PCDHA5: variants seen among roughly 807,000 people sequenced by gnomAD.
The protein encoded by PCDHA5 is protocadherin alpha 5, also known as protocadherin alpha-5.
PCDHA5 carries 43 observed loss-of-function variants against 61.6 expected under a neutral mutation model. That is an observed-to-expected ratio of 0.70 (90% confidence interval 0.55 to 0.90). The LOEUF (loss-of-function observed/expected upper bound fraction) is 0.90. PCDHA5 is among the 40% of genes least tolerant of loss of function. PCDHA5 has a pLI of 0.00. For synonymous variants in PCDHA5, 627 were observed against 543.9 expected (o/e 1.15, Z -2.13); for missense variants, 1,298 against 1,222.7 (o/e 1.06, Z -0.92).
At chr5:140,937,228 G>A (rs920892612) in intron 1 of PCDHA5, among the ~76,000 whole-genome samples, 1 of 151,718 alleles carries the variant, frequency 6.6e-6, no homozygotes, top group Admixed American at 6.6e-5. Context: ...TTGTAGAGAC[G>A]GGGTTTCACC....
rs141944056 is a variant in PCDHA5, at chr5:140,857,401, G to A, written c.2352+33274G>A. ...AGGTGGCCGACGTGAACGACAACGCGCCTGCGTTCGCGCAGTCCGAGTACA... is the reference window on the plus strand; with the variant it reads ...AGGTGGCCGACGTGAACGACAACGCACCTGCGTTCGCGCAGTCCGAGTACA... On this transcript the variant is annotated intron_variant, in intron 1 of 3. Transcript: ENST00000529859. The A allele has an allele frequency of 3.2e-3, 5,155 of 1,598,156 alleles. 411 individuals are homozygous for A. The African/African-American group carries it at 0.057, about 18-fold the overall frequency.
chr5:141,001,468 G>A (rs1375908420), intron 3 of PCDHA5, among the ~76,000 whole-genome samples: 1 of 152,226 alleles, frequency 6.6e-6, no homozygotes, highest in African/African-American at 2.4e-5. Context: ...GGACTAAGCA[G>A]CAGCGGGGAA....
intron 1 of PCDHA5, among the ~76,000 whole-genome samples, chr5:140,944,214 G>T (rs72801002): frequency 0.015 from 2,290 of 152,232 alleles, 30 homozygotes; most frequent in Non-Finnish European, 0.021. Context: ...TTTAAAGAGG[G>T]TTTTACTCTG....
intron 3 of PCDHA5, among the ~76,000 whole-genome samples, chr5:141,005,570 C>T (rs2098221993): frequency 6.6e-6 from 1 of 151,052 alleles, no homozygotes; most frequent in African/African-American, 2.4e-5. Context: ...GGCATGGTGG[C>T]GCGTGCCTGT....
intron 1 of PCDHA5, among the ~76,000 whole-genome samples, chr5:140,973,301 A>C (rs1469183006): frequency 1.3e-5 from 2 of 152,034 alleles, no homozygotes; most frequent in Admixed American, 6.6e-5. Context: ...CTATCTGATG[A>C]CTCTATCCTG....
chr5:140,835,538 T>A, intron 1 of PCDHA5: 1 of 1,613,946 alleles, frequency 6.2e-7, no homozygotes, highest in African/African-American at 1.3e-5. Context: ...ACGGACAGGT[T>A]ACCTGCTCCC....
intron 1 of PCDHA5, chr5:140,882,011 ATAC>A (rs1437092618): frequency 3.8e-6 from 2 of 531,314 alleles, no homozygotes; most frequent in Admixed American, 3.8e-5. Flanking sequence ...GGGCAAAAAA[ATAC>A]TACATCAATG....
At chr5:140,826,718 G>A (rs2150145138) in intron 1 of PCDHA5, among the ~76,000 whole-genome samples, 1 of 152,166 alleles carries the variant, frequency 6.6e-6, no homozygotes, top group Non-Finnish European at 1.5e-5. Context: ...TGAGAAAGAG[G>A]AAGAGCAAGT....
At chr5:140,928,594 GAA>G in intron 1 of PCDHA5, 2 of 1,614,204 alleles carry the variant, frequency 1.2e-6, no homozygotes, top group Non-Finnish European at 1.7e-6. Flanking sequence ...TGTCCCAGTG[GAA>G]ATTGTGCCCC....
intron 1 of PCDHA5, among the ~76,000 whole-genome samples, chr5:140,838,065 TTA>T (rs144773480): frequency 0.038 from 4,279 of 113,132 alleles, 207 homozygotes; most frequent in Non-Finnish European, 0.046. Context: ...CCACTTTAAG[TTA>T]TATATATATA....
At chr5:140,839,248 A>G (rs1776116247) in intron 1 of PCDHA5, among the ~76,000 whole-genome samples, 1 of 151,994 alleles carries the variant, frequency 6.6e-6, no homozygotes, top group Non-Finnish European at 1.5e-5. Flanking sequence ...CTTTGCTTTT[A>G]TGCTTACATG....
rs2150314975 is a variant in PCDHA5, at chr5:140,841,416, A to G, written c.2352+17289A>G. 6 of 1,613,024 alleles carry G rather than the reference A, an allele frequency of 3.7e-6. No homozygotes were observed. The South Asian group carries it at 6.6e-5, about 18-fold the overall frequency. On this transcript the variant is annotated intron_variant, in intron 1 of 3. Coordinates refer to ENST00000529859, the MANE Select transcript of PCDHA5 (RefSeq NM_018908.3). Reference sequence around the variant, plus strand: ...TGGAAGGTGGGGAGCGGCCAGCTCCACTACTCCGTCCCCGAGGAGGCCAAA... The same window carrying G: ...TGGAAGGTGGGGAGCGGCCAGCTCCGCTACTCCGTCCCCGAGGAGGCCAAA...
intron 1 of PCDHA5, among the ~76,000 whole-genome samples, chr5:140,838,064 G>T (rs1775403282): frequency 1.1e-5 from 1 of 88,812 alleles, no homozygotes; most frequent in African/African-American, 5.5e-5. Flanking sequence ...TCCACTTTAA[G>T]TTATATATAT....
At chr5:140,917,305 C>A (rs1554197951) in intron 1 of PCDHA5, among the ~76,000 whole-genome samples, 1 of 137,092 alleles carries the variant, frequency 7.3e-6, no homozygotes, top group Non-Finnish European at 1.5e-5. Flanking sequence ...ATAGTTGTTA[C>A]AATTTGGTGT....
chr5:140,830,077 G>C, intron 1 of PCDHA5: 5 of 1,613,664 alleles, frequency 3.1e-6, no homozygotes, highest in Non-Finnish European at 4.2e-6. Context: ...TGACAGCGAC[G>C]GCCACGGTTC....
intron 1 of PCDHA5, chr5:140,875,350 T>G (rs1465566736): frequency 6.9e-7 from 1 of 1,444,966 alleles, no homozygotes; most frequent in African/African-American, 1.4e-5. Flanking sequence ...CCATAATGAC[T>G]GTGATGCTGG....
intron 1 of PCDHA5, chr5:140,835,296 A>G (rs2150233406): frequency 1.2e-6 from 2 of 1,612,776 alleles, no homozygotes; most frequent in Non-Finnish European, 8.5e-7. Flanking sequence ...AATCACAGTG[A>G]TAGGACATAT....
rs534304787 is a variant in PCDHA5, at chr5:140,885,393, TA to T, written c.2352+61268del. Among the ~76,000 whole-genome samples the T allele has an allele frequency of 3.1e-3, 468 of 152,312 alleles. 3 individuals carry two copies. Among genetic ancestry groups the T allele is most frequent in the Middle Eastern group, 0.014 (4 of 294 alleles). The stretch of plus-strand genomic sequence containing the variant: ...TACCTTTTGGCAGTCCCTGCAAATC[TA>T]ATGGTTTTAATAGCTGTGTAGTATT... On this transcript the variant is annotated intron_variant, in intron 1 of 3. Transcript: ENST00000529859.
intron 3 of PCDHA5, among the ~76,000 whole-genome samples, chr5:141,001,642 G>A (rs1399710505): frequency 6.6e-6 from 1 of 152,110 alleles, no homozygotes; most frequent in African/African-American, 2.4e-5. Flanking sequence ...GGGGGTGAAG[G>A]TGTGGGAGAA....
Sources: allele counts gnomAD v4.1 joint callset (sites outside exome capture counted in the v4.1 genomes callset), GRCh38; gene constraint gnomAD v4.1.1; transcripts MANE v1.5; gene names NCBI Gene and HGNC (gene_info 2026-07-23, HGNC 2026-07-21).